PPFIBP2: variants seen among roughly 807,000 people sequenced by gnomAD.
The protein encoded by PPFIBP2 is liprin-beta-2.
A neutral mutation model predicts 118.3 loss-of-function variants in PPFIBP2; 118 were observed. The observed-to-expected ratio is 1.00, with a 90% CI of 0.86 to 1.16. The LOEUF is 1.16. Among genes scored for constraint, PPFIBP2 ranks in the 50% most tolerant of loss-of-function variants. PPFIBP2 has a pLI of 0.00. For synonymous variants in PPFIBP2, 414 were observed against 397.4 expected, an observed-to-expected ratio of 1.04 and a Z score of -0.50; for missense variants, 1,195 against 1,073.1, an observed-to-expected ratio of 1.11 and a Z score of -1.59.
intron 1 of PPFIBP2, among the ~76,000 whole-genome samples, chr11:7,547,052 G>T (rs188412637): frequency 6.6e-6 from 1 of 152,202 alleles, no homozygotes; most frequent in Non-Finnish European, 1.5e-5. Flanking sequence ...GAGTAAACAA[G>T]GCAGACAGGG....
At chr11:7,646,558 C>T (rs147955983) in intron 17 of PPFIBP2, among the ~76,000 whole-genome samples, 1,603 of 152,192 alleles carry the variant, frequency 0.011, 24 homozygotes, top group African/African-American at 0.036. Flanking sequence ...ACCCAAAATA[C>T]AAGAGTAAAG....
Position 7,653,667 on chromosome 11 carries a change from C to T in PPFIBP2, c.*449C>T, listed in dbSNP as rs2136053964. The T allele has an allele frequency of 7.7e-7, 1 of 1,290,566 alleles. No homozygotes were observed. The highest frequency in any genetic ancestry group is 2.3e-5 in the Admixed American group (1 of 43,436). The allele number at this position is 1,290,566 out of a possible 1,614,324, so 79.9% of individuals were successfully genotyped here. On this transcript the variant is annotated 3_prime_UTR_variant, in exon 24 of 24. Coordinates refer to ENST00000299492, the MANE Select transcript of PPFIBP2 (RefSeq NM_003621.5). ...AGATCAAAGGGATGAGCAACAGGGA[C>T]TTCTGCCACAGTGACAATGGAATTG...
Position 7,644,919 on chromosome 11 carries a change from C to T in PPFIBP2, c.1646+2493C>T, listed in dbSNP as rs567190724. The stretch of plus-strand genomic sequence containing the variant: ...GCGGGCGCCTGTAGTCCCAGCTACT[C>T]GGGAGGCTGAGGCAGGAGAATGGCG... On this transcript the variant is annotated intron_variant, in intron 17 of 23. Transcript: ENST00000299492. Among the ~76,000 whole-genome samples the T allele has an allele frequency of 9.5e-5, 14 of 146,902 alleles. No homozygotes were observed. In the South Asian group the frequency reaches 2.0e-3, roughly 21 times the overall value.
rs1273880475 is a variant in PPFIBP2, at chr11:7,647,322, G to T, written c.1647-1065G>T. ...AAATGACTCTATTGGGATTTTTAGT[G>T]TGCTATTCACACTTTAAATGAAAAA... On this transcript the variant is annotated intron_variant, in intron 17 of 23. Transcript: ENST00000299492. Among the ~76,000 whole-genome samples the T allele has an allele frequency of 2.0e-5, 3 of 152,232 alleles. No individual in the cohort carries two copies. In the East Asian group the frequency reaches 5.8e-4, roughly 29 times the overall value.
intron 15 of PPFIBP2, 108 bp from the exon 16 acceptor site, chr11:7,641,371 G>A (rs1238815037): frequency 1.3e-5 from 17 of 1,279,250 alleles, no homozygotes; most frequent in Non-Finnish European, 1.8e-5. Flanking sequence ...AGGCAGAACT[G>A]GGCAGATTCT....
intron 1 of PPFIBP2, among the ~76,000 whole-genome samples, chr11:7,530,266 A>G (rs1850577297): frequency 6.6e-6 from 1 of 151,258 alleles, no homozygotes; most frequent in South Asian, 2.1e-4. Flanking sequence ...ATTACATAGT[A>G]ACCTGAGAGG....
intron 14 of PPFIBP2, among the ~76,000 whole-genome samples, chr11:7,638,325 G>T (rs2135851856): frequency 6.6e-6 from 1 of 152,266 alleles, no homozygotes; most frequent in South Asian, 2.1e-4. Context: ...TTCACCTCAT[G>T]GGTCATCACA....
the PPFIBP2 span, among the ~76,000 whole-genome samples, chr11:7,663,568 A>T: frequency 1.3e-5 from 2 of 152,204 alleles, no homozygotes. Flanking sequence ...AGACAGGGAC[A>T]TTTAAGTCTG....
intron 1 of PPFIBP2, among the ~76,000 whole-genome samples, chr11:7,525,607 C>T (rs774364356): frequency 6.6e-6 from 1 of 152,208 alleles, no homozygotes; most frequent in Non-Finnish European, 1.5e-5. Context: ...TGGTCACCCA[C>T]GTACAGGACA....
rs569406368 is a variant in PPFIBP2, at chr11:7,627,357, A to T, written c.827-928A>T. ...ATTCTGAAAATGAATCTCCACAACT[A>T]TTTACACAAAGTCCATAGATCTACT... On this transcript the variant is annotated intron_variant, in intron 8 of 23. Transcript: ENST00000299492. Among the ~76,000 whole-genome samples the T allele has an allele frequency of 1.2e-4, 19 of 152,278 alleles. No homozygotes were observed. In the South Asian group the frequency reaches 3.5e-3, roughly 28 times the overall value.
At position 7,616,565 on chromosome 11, in the gene PPFIBP2, A is replaced by G. The variant is rs576632957; in HGVS notation, c.619-4370A>G. ...TGTTGCAAAAACGTTGCTTGAGATA[A>G]TCTTGTAGACAGGATGGAGGAATAG... On this transcript the variant is annotated intron_variant, in intron 6 of 23. Transcript: ENST00000299492. The surrounding 1 kb of genome is among the most constrained non-coding windows in gnomAD (Gnocchi z 5.2). Among the ~76,000 whole-genome samples the G allele has an allele frequency of 3.3e-5, 5 of 152,332 alleles. No individual in the cohort carries two copies. Among genetic ancestry groups the G allele is most frequent in the South Asian group, 2.1e-4 (1 of 4,830 alleles).
chr11:7,539,851 A>C (rs1851591960), intron 1 of PPFIBP2, among the ~76,000 whole-genome samples: 1 of 152,238 alleles, frequency 6.6e-6, no homozygotes, highest in African/African-American at 2.4e-5. Flanking sequence ...AGCTGGGGAC[A>C]ATAGCTTGGC....
intron 23 of PPFIBP2, among the ~76,000 whole-genome samples, chr11:7,652,080 G>GA (rs1854115450): frequency 6.6e-6 from 1 of 152,368 alleles, no homozygotes; most frequent in African/African-American, 2.4e-5. Flanking sequence ...ATATGTGCAG[G>GA]AAGCACCTAT....
intron 1 of PPFIBP2, among the ~76,000 whole-genome samples, chr11:7,532,803 A>G (rs2134356530): frequency 6.6e-6 from 1 of 152,332 alleles, no homozygotes; most frequent in South Asian, 2.1e-4. Context: ...TTTTATTGCA[A>G]GGGGAAAAGC....
chr11:7,540,181 C>T (rs1851631903), intron 1 of PPFIBP2, among the ~76,000 whole-genome samples: 1 of 152,124 alleles, frequency 6.6e-6, no homozygotes, highest in African/African-American at 2.4e-5. Context: ...GTTGTGAATG[C>T]TGGGAAGCCT....
intron 1 of PPFIBP2, among the ~76,000 whole-genome samples, chr11:7,521,113 C>T (rs1234559681): frequency 6.6e-6 from 1 of 152,214 alleles, no homozygotes; most frequent in Non-Finnish European, 1.5e-5. Context: ...GCCTTAAGGT[C>T]GTTGGCTTGG....
chr11:7,566,431 A>T (rs565815540), intron 3 of PPFIBP2, among the ~76,000 whole-genome samples: 3 of 152,184 alleles, frequency 2.0e-5, no homozygotes, highest in East Asian at 3.9e-4. Flanking sequence ...ATCATGGCTC[A>T]CTGCAGCCTC....
At position 7,634,477 on chromosome 11, in the gene PPFIBP2, CT is replaced by C. The variant is rs755302218; in HGVS notation, c.1137-14del. On this transcript the variant is annotated splice_polypyrimidine_tract_variant and intron_variant, in intron 12 of 23. Transcript: ENST00000299492. ...ACCTCCTTCTCATAACTATTTCTTT[CT>C]TTTGTGTTTTTTTCAGGGCTCAGAA... The C allele has an allele frequency of 6.3e-7, 1 of 1,591,452 alleles. No individual in the cohort carries two copies. The highest frequency in any genetic ancestry group is 8.6e-7 in the Non-Finnish European group (1 of 1,159,816).
At chr11:7,565,287 G>T (rs1458599282) in intron 2 of PPFIBP2, among the ~76,000 whole-genome samples, 1 of 152,180 alleles carries the variant, frequency 6.6e-6, no homozygotes, top group Non-Finnish European at 1.5e-5. Flanking sequence ...TAAAGATGGG[G>T]TCTCACTCTG....
Sources: gnomAD v4.1 joint callset for allele counts (sites outside exome capture counted in the v4.1 genomes callset) on GRCh38, gnomAD v4.1.1 for gene constraint, Gnocchi (gnomAD v3.1) non-coding constraint, MANE v1.5 for transcripts, NCBI Gene and HGNC (gene_info 2026-07-23, HGNC 2026-07-21) for gene names.